CNOT6L: variants seen among roughly 807,000 people sequenced by gnomAD.
CNOT6L encodes CCR4-NOT transcription complex subunit 6-like.
CNOT6L carries 7 observed loss-of-function variants against 64.0 expected under a neutral mutation model. The ratio of observed to expected loss-of-function variants is 0.11; its 90% CI spans 0.06 to 0.21. The LOEUF is 0.21. Among genes scored for constraint, CNOT6L ranks in the 10% least tolerant of loss-of-function variants. CNOT6L has a pLI of 1.00. For missense variants in CNOT6L, 245 were observed against 669.0 expected (o/e 0.37, Z 6.99); for synonymous variants, 193 against 243.4 (o/e 0.79, Z 1.93).
intron 11 of CNOT6L, among the ~76,000 whole-genome samples, chr4:77,722,432 G>A (rs766072033): frequency 2.3e-4 from 35 of 152,020 alleles, no homozygotes; most frequent in Non-Finnish European, 4.4e-4. Flanking sequence ...GTCTGGGGGC[G>A]TGCACCTGTA....
At chr4:77,814,417 T>A (rs1302283862) in intron 1 of CNOT6L, among the ~76,000 whole-genome samples, 1 of 151,936 alleles carries the variant, frequency 6.6e-6, no homozygotes, top group Non-Finnish European at 1.5e-5. Context: ...ACCCTTTAAG[T>A]AATTCCTGAC....
intron 1 of CNOT6L, among the ~76,000 whole-genome samples, chr4:77,803,737 C>A (rs149042837): frequency 0.011 from 1,724 of 152,176 alleles, 20 homozygotes; most frequent in South Asian, 0.02. Flanking sequence ...AACCCCATCT[C>A]CACCAAAAAT....
intron 1 of CNOT6L, among the ~76,000 whole-genome samples, chr4:77,818,748 C>G (rs1733867737): frequency 6.6e-6 from 1 of 152,008 alleles, no homozygotes; most frequent in Non-Finnish European, 1.5e-5. Flanking sequence ...GAGGCAGCGC[C>G]GTGGGCTCGC....
intron 7 of CNOT6L, among the ~76,000 whole-genome samples, chr4:77,743,063 C>T (rs902617865): frequency 6.6e-6 from 1 of 151,898 alleles, no homozygotes; most frequent in Non-Finnish European, 1.5e-5. Context: ...CCATTAAGTA[C>T]AATAAATAAG....
At chr4:77,804,430 A>G (rs1731983855) in intron 1 of CNOT6L, among the ~76,000 whole-genome samples, 1 of 146,978 alleles carries the variant, frequency 6.8e-6, no homozygotes, top group African/African-American at 2.5e-5. Flanking sequence ...CCCCATCTCA[A>G]AAAAAAAAAA....
At chr4:77,744,976 G>A (rs1724032627) in intron 6 of CNOT6L, 101 bp from the exon 7 acceptor site, 5 of 806,628 alleles carry the variant, frequency 6.2e-6, no homozygotes, top group Middle Eastern at 2.4e-4. Context: ...ACACACATAC[G>A]CCACATATCA....
At chr4:77,802,655 T>C (rs186890486) in intron 1 of CNOT6L, among the ~76,000 whole-genome samples, 66 of 152,304 alleles carry the variant, frequency 4.3e-4, no homozygotes, top group Admixed American at 1.2e-3. Context: ...GAACACCCAG[T>C]ATGTGGCCAG....
chr4:77,787,036 T>C (rs1292833173), intron 1 of CNOT6L, among the ~76,000 whole-genome samples: 1 of 151,442 alleles, frequency 6.6e-6, no homozygotes, highest in East Asian at 2.0e-4. Flanking sequence ...GAGGCCAAGG[T>C]GGGCGGATCA....
chr4:77,814,995 T>C (rs1021124492), intron 1 of CNOT6L, among the ~76,000 whole-genome samples: 2 of 152,188 alleles, frequency 1.3e-5, no homozygotes, highest in African/African-American at 2.4e-5. Context: ...ATTTTATTGG[T>C]CTTTCTGGGT....
In CNOT6L at chr4:77,744,739, G is replaced by A. The variant is rs1269665200; in HGVS notation, c.696C>T (p.Asp232=). 2 of 1,612,470 alleles carry A rather than the reference G, an allele frequency of 1.2e-6. No homozygotes were observed. Among genetic ancestry groups the A allele is most frequent in the South Asian group, 1.1e-5 (1 of 90,874 alleles). Residue 232 remains aspartate (D), a synonymous_variant, in exon 7 of 12, where the codon GAC becomes GAT. Coordinates refer to ENST00000504123, the MANE Select transcript of CNOT6L (RefSeq NM_144571.3). The part of the protein sequence containing the change: ...KGIMEEIVNC[D]ADIISLQEVE... ...TTACCTGAAGACTAATGATATCTGC[G>A]TCACAGTTAACAATTTCTTCCATAA... is the stretch of plus-strand genomic sequence containing the variant.
intron 1 of CNOT6L, among the ~76,000 whole-genome samples, chr4:77,805,860 T>C (rs968678394): frequency 5.9e-5 from 9 of 152,186 alleles, no homozygotes; most frequent in African/African-American, 2.2e-4. Context: ...CATAAGAGTA[T>C]TCTAATTATT....
chr4:77,721,696 T>C, intron 11 of CNOT6L, among the ~76,000 whole-genome samples: 1 of 152,122 alleles, frequency 6.6e-6, no homozygotes, highest in Non-Finnish European at 1.5e-5. Context: ...AAGATTCAGG[T>C]GCAGTGTCTC....
chr4:77,731,293 A>G lies in CNOT6L; in HGVS notation c.1024+94T>C, dbSNP rs1396240779. ...TTTCCTCAAAAGAAAATAACTTTGC[A>G]ATAAATAACGGCAAAATTCTCTTCA... On this transcript the variant is annotated intron_variant, in intron 9 of 11. Coordinates refer to ENST00000504123, the MANE Select transcript of CNOT6L (RefSeq NM_144571.3). The G allele has an allele frequency of 2.5e-6, 3 of 1,205,362 alleles. No individual in the cohort carries two copies. In the East Asian group the frequency reaches 7.3e-5, roughly 29 times the overall value. The allele number at this position is 1,205,362 out of a possible 1,614,324, so 74.7% of individuals were successfully genotyped here.
chr4:77,767,925 G>A (rs554981628), intron 4 of CNOT6L, among the ~76,000 whole-genome samples: 7 of 145,514 alleles, frequency 4.8e-5, no homozygotes, highest in African/African-American at 1.6e-4. Context: ...GTTGCAGCAA[G>A]CTGAGATTTG....
In CNOT6L at chr4:77,788,578, A is replaced by ATTAGCCGGACGTGGTGGC. The variant is rs1245150204; in HGVS notation, c.6-12204_6-12187dup. Among the ~76,000 whole-genome samples the ATTAGCCGGACGTGGTGGC allele has an allele frequency of 1.2e-4, 18 of 152,242 alleles. 1 individual carries two copies. In the East Asian group the frequency reaches 1.9e-3, roughly 16 times the overall value. ...CCCCATCTCCACTAAAATACAAAAA[A>ATTAGCCGGACGTGGTGGC]TTAGCCGGACGTGGTGGCATGTGCC... On this transcript the variant is annotated intron_variant, in intron 1 of 11. Coordinates refer to ENST00000504123, the MANE Select transcript of CNOT6L (RefSeq NM_144571.3).
intron 1 of CNOT6L, among the ~76,000 whole-genome samples, chr4:77,797,158 TCTAA>T (rs146290105): frequency 0.012 from 1,676 of 138,864 alleles, 35 homozygotes; most frequent in African/African-American, 0.042. Context: ...GAGGATAATC[TCTAA>T]CTAATAGTGG....
At chr4:77,800,064 TC>T (rs1258786491) in intron 1 of CNOT6L, among the ~76,000 whole-genome samples, 1 of 98,390 alleles carries the variant, frequency 1.0e-5, no homozygotes, top group Admixed American at 1.1e-4. Context: ...TTATACTCCA[TC>T]AAAAAAAAAA....
At chr4:77,793,944 G>T (rs886622061) in intron 1 of CNOT6L, among the ~76,000 whole-genome samples, 2 of 151,410 alleles carry the variant, frequency 1.3e-5, no homozygotes, top group Admixed American at 6.6e-5. Context: ...TGAGGTCAGG[G>T]GTTCGAGACC....
intron 5 of CNOT6L, among the ~76,000 whole-genome samples, chr4:77,753,433 A>C (rs1035386263): frequency 6.6e-6 from 1 of 152,084 alleles, no homozygotes; most frequent in African/African-American, 2.4e-5. Flanking sequence ...CATTTTGAGA[A>C]GCCAAGGTGA....
Sources: gnomAD v4.1 joint callset for allele counts (sites outside exome capture counted in the v4.1 genomes callset) on GRCh38, gnomAD v4.1.1 for gene constraint, MANE v1.5 for transcripts, NCBI Gene and HGNC (gene_info 2026-07-23, HGNC 2026-07-21) for gene names.